Variants in KLHL4 observed in about 807,000 individuals in gnomAD.
KLHL4 encodes the protein kelch like family member 4, also known as kelch-like protein 4.
In KLHL4, 17 loss-of-function variants were observed where a neutral mutation model predicts 45.8. That is an observed-to-expected ratio of 0.37 (90% CI 0.25 to 0.56). KLHL4 has a LOEUF of 0.56. Among genes scored for constraint, KLHL4 ranks in the 20% least tolerant of loss-of-function variants. The pLI is 0.79. For synonymous variants in KLHL4, 224 were observed against 189.9 expected, an observed-to-expected ratio of 1.18 and a Z score of -1.47; for missense variants, 544 against 544.9, an observed-to-expected ratio of 1.00 and a Z score of 0.02.
At position 87,666,634 on chromosome X, in the gene KLHL4, T is replaced by A; in HGVS notation, c.*100T>A. On this transcript the variant is annotated 3_prime_UTR_variant, in exon 11 of 11. Transcript: ENST00000373119. ...TACATGTTCTTTTTCCTGCAATTAA[T>A]AATCAGACTGGAAAATTGTTGTATC... The A allele has an allele frequency of 9.9e-7, 1 of 1,005,339 alleles. No individual in the cohort carries two copies. The highest frequency in any genetic ancestry group is 1.9e-5 in the African/African-American group (1 of 51,661). 82.9% of individuals were successfully genotyped at this position (1,005,339 alleles called of 1,213,427 possible). A position where few individuals can be genotyped will look rare whatever the true frequency, so the allele number is the denominator to read the frequency against.
intron 1 of KLHL4, among the ~76,000 whole-genome samples, chrX:87,531,696 A>G (rs1231299693): frequency 1.9e-5 from 2 of 103,900 alleles, no homozygotes; most frequent in Non-Finnish European, 3.9e-5. Context: ...TAACAGACAA[A>G]CAGAGAGCCA....
chrX:87,605,868 A>G (rs1156767450), intron 1 of KLHL4, among the ~76,000 whole-genome samples: 2 of 111,311 alleles, frequency 1.8e-5, no homozygotes, highest in African/African-American at 6.5e-5. Flanking sequence ...TGGGTTTGTA[A>G]TATATGGCCT....
intron 9 of KLHL4, among the ~76,000 whole-genome samples, chrX:87,660,349 G>A (rs904683511): frequency 2.7e-4 from 30 of 111,089 alleles, no homozygotes; most frequent in African/African-American, 9.5e-4. Flanking sequence ...TGCCTGTGAA[G>A]GTATTTATGG....
At chrX:87,639,850 C>A (rs1923391221) in intron 9 of KLHL4, among the ~76,000 whole-genome samples, 1 of 106,694 alleles carries the variant, frequency 9.4e-6, no homozygotes, top group Non-Finnish European at 1.9e-5. Context: ...AAGACCAGAA[C>A]TAAATGAAAT....
chrX:87,668,529 T>C lies in KLHL4; in HGVS notation c.*1995T>C. 1.4e-6 allele frequency: 1 copy of C among 727,858 alleles called. No individual in the cohort carries two copies. The highest frequency in any genetic ancestry group is 7.0e-5 in the South Asian group (1 of 14,191). 60.0% of individuals were successfully genotyped at this position (727,858 alleles called of 1,213,427 possible). On this transcript the variant is annotated 3_prime_UTR_variant, in exon 11 of 11. Coordinates refer to ENST00000373119, the MANE Select transcript of KLHL4 (RefSeq NM_019117.5). ...CACTATGGCTGCTGTGGTTTGAATA[T>C]TTTTTTCCCTCGAAAACTCATGTTG...
chrX:87,576,725 T>G (rs766916886), intron 1 of KLHL4, among the ~76,000 whole-genome samples: 1 of 111,701 alleles, frequency 9.0e-6, no homozygotes, highest in Admixed American at 9.5e-5. Flanking sequence ...TATATAACTA[T>G]TTACTAGTTA....
chrX:87,518,146 C>CA lies in KLHL4; in HGVS notation c.254dup (p.Arg86GlufsTer10), dbSNP rs1930928350. 8.3e-7 allele frequency: 1 copy of CA among 1,211,935 alleles called. No homozygotes were observed. Among genetic ancestry groups the CA allele is most frequent in the Non-Finnish European group, 1.1e-6 (1 of 895,577 alleles). On this transcript the variant is annotated frameshift_variant, in exon 1 of 11. Transcript: ENST00000373119. LOFTEE classifies it high-confidence loss of function. ...AGTGCCAGGACCGGCCCCTGCCCAT[C>CA]AGAGAGCCGTTCAGAATTTGCAGCA...
chrX:87,565,608 C>T (rs919540658), intron 1 of KLHL4, among the ~76,000 whole-genome samples: 1 of 102,128 alleles, frequency 9.8e-6, no homozygotes, highest in African/African-American at 3.6e-5. Context: ...TGCCTGTAAA[C>T]CCAGCTACTC....
chrX:87,634,593 T>TG (rs1347391530), intron 8 of KLHL4, among the ~76,000 whole-genome samples: 25 of 112,066 alleles, frequency 2.2e-4, no homozygotes, highest in African/African-American at 7.8e-4. Context: ...GAGACAGCCT[T>TG]GTGTGTTTAT....
At position 87,625,731 on chromosome X, in the gene KLHL4, G is replaced by A. The variant is rs759568131; in HGVS notation, c.1259G>A (p.Arg420Gln). The change falls in exon 6 of 11, where the codon CGG (arginine) becomes CAG (glutamine). Residue 420 changes from arginine (R) to glutamine (Q), a missense_variant. By Grantham distance (43) the Arg-to-Gln change is conservative. Transcript: ENST00000373119. ...AGAAGATCCATGATGCAAAGCCCTC[G>A]GACAAAGCCTAGAAAATCAACTGTG... is the stretch of plus-strand genomic sequence containing the variant. ...PERRSMMQSP[R>Q]TKPRKSTVGA... is the part of the protein sequence containing the mutation. 9.1e-6 allele frequency: 11 copies of A among 1,207,176 alleles called. No homozygotes were observed. The highest frequency in any genetic ancestry group is 3.5e-5 in the South Asian group (2 of 56,483).
At chrX:87,589,268 A>C (rs941064934) in intron 1 of KLHL4, among the ~76,000 whole-genome samples, 1 of 112,088 alleles carries the variant, frequency 8.9e-6, no homozygotes, top group Non-Finnish European at 1.9e-5. Context: ...TCAACTAAAA[A>C]TTGAGCTACC....
intron 1 of KLHL4, among the ~76,000 whole-genome samples, chrX:87,526,287 T>TTCTATTAATG: frequency 8.9e-6 from 1 of 112,323 alleles, no homozygotes; most frequent in Non-Finnish European, 1.9e-5. Flanking sequence ...AAGATGTTGG[T>TTCTATTAATG]TTTCTATTAA....
chrX:87,594,426 A>G (rs1338244446), intron 1 of KLHL4, among the ~76,000 whole-genome samples: 1 of 111,695 alleles, frequency 9.0e-6, no homozygotes, highest in Admixed American at 9.6e-5. Flanking sequence ...AACAACTACT[A>G]TGCTGAATCA....
In KLHL4 at chrX:87,601,552, C is replaced by G. The variant is rs958499670; in HGVS notation, c.423-12325C>G. On this transcript the variant is annotated intron_variant, in intron 1 of 10. Coordinates refer to ENST00000373119, the MANE Select transcript of KLHL4 (RefSeq NM_019117.5). ...ATGCTTGAGCCTGCTCACCCAAGCC[C>G]TGAGATCTTATGAAGAATCTGCTGA... is the stretch of plus-strand genomic sequence containing the variant. Among the ~76,000 whole-genome samples the G allele has an allele frequency of 5.4e-5, 6 of 111,371 alleles. No homozygotes were observed. The Admixed American group carries it at 5.7e-4, about 11-fold the overall frequency.
intron 9 of KLHL4, among the ~76,000 whole-genome samples, chrX:87,663,713 C>T (rs1234216589): frequency 8.9e-6 from 1 of 112,346 alleles, no homozygotes; most frequent in Non-Finnish European, 1.9e-5. Context: ...TTTACCATAA[C>T]ATCTGAATTT....
At chrX:87,623,212 T>C (rs1185192507) in intron 5 of KLHL4, among the ~76,000 whole-genome samples, 1 of 110,756 alleles carries the variant, frequency 9.0e-6, no homozygotes, top group Non-Finnish European at 1.9e-5. Flanking sequence ...ATGAATTCAC[T>C]TTTATAACAA....
At chrX:87,622,641 C>T (rs749814976) in intron 5 of KLHL4, among the ~76,000 whole-genome samples, 5 of 110,471 alleles carry the variant, frequency 4.5e-5, no homozygotes, top group African/African-American at 1.3e-4. Flanking sequence ...AAACCATAAA[C>T]ATCAGAATAC....
chrX:87,614,668 C>T (rs1377889177), intron 3 of KLHL4, 98 bp downstream of exon 3: 5 of 750,100 alleles, frequency 6.7e-6, no homozygotes, highest in Non-Finnish European at 9.5e-6. Flanking sequence ...AATACTACTA[C>T]TATTCTTCAT....
chrX:87,666,977 C>T lies in KLHL4; in HGVS notation c.*443C>T, dbSNP rs1223184420. The T allele has an allele frequency of 1.6e-5, 11 of 697,148 alleles. No homozygotes were observed. The highest frequency in any genetic ancestry group is 2.4e-5 in the African/African-American group (1 of 41,908). The allele number at this position is 697,148 out of a possible 1,213,427, so 57.5% of individuals were successfully genotyped here. On this transcript the variant is annotated 3_prime_UTR_variant, in exon 11 of 11. Coordinates refer to ENST00000373119, the MANE Select transcript of KLHL4 (RefSeq NM_019117.5). ...GAAATATAAAAGGTAACATCTAAAG[C>T]TTAGAATAGTGTGATTTTTAGTAAG...
Sources: gnomAD v4.1 joint callset for allele counts (sites outside exome capture counted in the v4.1 genomes callset) on GRCh38, gnomAD v4.1.1 for gene constraint, MANE v1.5 for transcripts, NCBI Gene and HGNC (gene_info 2026-07-23, HGNC 2026-07-21) for gene names.